Variants in SEMA3D observed in about 807,000 individuals in gnomAD.
The protein encoded by SEMA3D is semaphorin 3D.
Under a neutral mutation model 100.1 loss-of-function variants are expected in SEMA3D, and 84 were observed. The ratio of observed to expected loss-of-function variants is 0.84; its 90% CI spans 0.70 to 1.01. SEMA3D has a LOEUF of 1.01. Ranked by LOEUF, SEMA3D falls within the 50% of genes least tolerant of loss-of-function variation. The pLI, the probability that SEMA3D is intolerant of heterozygous loss-of-function variation, is 0.00. For synonymous variants in SEMA3D, 312 were observed against 320.7 expected, an observed-to-expected ratio of 0.97 and a Z score of 0.29; for missense variants, 875 against 934.1, an observed-to-expected ratio of 0.94 and a Z score of 0.82.
At chr7:85,056,775 C>T (rs952179276) in intron 8 of SEMA3D, among the ~76,000 whole-genome samples, 1 of 149,840 alleles carries the variant, frequency 6.7e-6, no homozygotes, top group Non-Finnish European at 1.5e-5. Flanking sequence ...TAAGGCTATC[C>T]GTGGTATATA....
chr7:85,106,259 T>C (rs1312301529), intron 3 of SEMA3D, among the ~76,000 whole-genome samples: 1 of 152,120 alleles, frequency 6.6e-6, no homozygotes, highest in Non-Finnish European at 1.5e-5. Flanking sequence ...TTTCTCCTTC[T>C]TCAAGTTACA....
chr7:85,246,842 C>T, the SEMA3D span, among the ~76,000 whole-genome samples: 14 of 150,936 alleles, frequency 9.3e-5, no homozygotes, highest in East Asian at 1.2e-3. Context: ...GATGAGCCTC[C>T]GTATAGTAGC....
At chr7:85,014,758 A>G (rs1790050362) in intron 16 of SEMA3D, among the ~76,000 whole-genome samples, 1 of 151,322 alleles carries the variant, frequency 6.6e-6, no homozygotes, top group East Asian at 1.9e-4. Context: ...TAAAAAAGGC[A>G]AAATAGTGAA....
chr7:85,145,037 A>G (rs1198290495), intron 2 of SEMA3D, among the ~76,000 whole-genome samples: 1 of 152,152 alleles, frequency 6.6e-6, no homozygotes, highest in Non-Finnish European at 1.5e-5. Context: ...TTGAAACCTC[A>G]TTAGGAATGT....
At chr7:85,137,385 G>A (rs559834609) in intron 2 of SEMA3D, among the ~76,000 whole-genome samples, 3 of 151,760 alleles carry the variant, frequency 2.0e-5, no homozygotes, top group East Asian at 1.9e-4. Flanking sequence ...GTGTGTGTGT[G>A]TATATATATA....
chr7:85,149,300 A>G (rs939521441), intron 2 of SEMA3D, among the ~76,000 whole-genome samples: 3 of 151,988 alleles, frequency 2.0e-5, no homozygotes, highest in Non-Finnish European at 4.4e-5. Context: ...AAGTAAAAAT[A>G]CAAAAAGTTA....
chr7:85,041,462 G>A (rs1488898304), intron 10 of SEMA3D: 1 of 151,802 alleles, frequency 6.6e-6, no homozygotes, highest in Non-Finnish European at 1.5e-5. Flanking sequence ...AGATTAAGAT[G>A]TGAATGTGCT....
rs1297194565 is a variant in SEMA3D at position 84,998,375 on chromosome 7, C to T, written c.*1065G>A. The T allele has an allele frequency of 1.3e-5, 2 of 152,048 alleles. No homozygotes were observed. The highest frequency in any genetic ancestry group is 2.4e-5 in the African/African-American group (1 of 41,414). The allele number at this position is 152,048 out of a possible 1,614,324, so 9.4% of individuals were successfully genotyped here. On this transcript the variant is annotated 3_prime_UTR_variant, in exon 19 of 19. Coordinates refer to ENST00000284136, the MANE Select transcript of SEMA3D (RefSeq NM_001384900.1). ...TCATTGGTTATAAATAAAATGTCTA[C>T]TCTTCCTATGATTCTTCAGAAGAAT...
At chr7:85,215,406 G>C in the SEMA3D span, among the ~76,000 whole-genome samples, 1 of 152,082 alleles carries the variant, frequency 6.6e-6, no homozygotes, top group Non-Finnish European at 1.5e-5. Context: ...CTAGTTATCT[G>C]GAGCAGCTTG....
chr7:85,036,286 T>C (rs934768120), intron 12 of SEMA3D, among the ~76,000 whole-genome samples: 12 of 152,022 alleles, frequency 7.9e-5, no homozygotes, highest in African/African-American at 2.9e-4. Flanking sequence ...TTTTAAACAA[T>C]TGTATAAACT....
intron 4 of SEMA3D, 48 bp from the exon 5 acceptor site, chr7:85,081,627 C>T (rs1562809737): frequency 1.6e-6 from 2 of 1,260,762 alleles, no homozygotes; most frequent in East Asian, 4.6e-5. Flanking sequence ...CTGAAACACC[C>T]TAACACTCTG....
chr7:85,013,000 T>C (rs1257249790), intron 16 of SEMA3D, among the ~76,000 whole-genome samples, 154 bp from the exon 17 acceptor site: 1 of 151,844 alleles, frequency 6.6e-6, no homozygotes, highest in Non-Finnish European at 1.5e-5. Flanking sequence ...CAATCTAACA[T>C]TGATTTAAAA....
intron 8 of SEMA3D, among the ~76,000 whole-genome samples, chr7:85,059,953 T>C (rs972836708): frequency 6.6e-6 from 1 of 152,168 alleles, no homozygotes; most frequent in Admixed American, 6.5e-5. Flanking sequence ...AAATGGCCAA[T>C]AGGTAGGCTA....
chr7:85,019,902 A>T, intron 14 of SEMA3D, among the ~76,000 whole-genome samples: 1 of 151,754 alleles, frequency 6.6e-6, no homozygotes, highest in Middle Eastern at 3.4e-3. Flanking sequence ...ATTGAAAAGT[A>T]AAATTTATAA....
At chr7:85,005,345 G>C (rs1411277118) in intron 18 of SEMA3D, among the ~76,000 whole-genome samples, 1 of 151,834 alleles carries the variant, frequency 6.6e-6, no homozygotes, top group Non-Finnish European at 1.5e-5. Context: ...CAATATATAG[G>C]TAAAAAATGG....
chr7:85,051,885 T>C (rs1791175232), intron 9 of SEMA3D, among the ~76,000 whole-genome samples: 1 of 151,920 alleles, frequency 6.6e-6, no homozygotes, highest in South Asian at 2.1e-4. Flanking sequence ...TCAAAATCTC[T>C]ATGATAGGAG....
chr7:85,091,157 G>A (rs566580825), intron 4 of SEMA3D, among the ~76,000 whole-genome samples: 22 of 142,508 alleles, frequency 1.5e-4, no homozygotes, highest in African/African-American at 5.8e-4. Context: ...AAGGAGGGAA[G>A]GAAGGAAGGA....
chr7:85,056,579 A>G (rs1040537330), intron 8 of SEMA3D, among the ~76,000 whole-genome samples: 3 of 150,290 alleles, frequency 2.0e-5, no homozygotes, highest in Non-Finnish European at 4.4e-5. Flanking sequence ...TTATATGTGT[A>G]TATATGCTAT....
the SEMA3D span, among the ~76,000 whole-genome samples, chr7:85,212,036 A>G: frequency 3.9e-5 from 6 of 152,114 alleles, no homozygotes; most frequent in African/African-American, 1.2e-4. Context: ...TGATGCCATC[A>G]CTAATCTCCT....
Sources: gnomAD v4.1 joint callset for allele counts (sites outside exome capture counted in the v4.1 genomes callset) on GRCh38, gnomAD v4.1.1 for gene constraint, MANE v1.5 for transcripts, NCBI Gene and HGNC (gene_info 2026-07-23, HGNC 2026-07-21) for gene names.